The following EVL variants were observed in gnomAD, a reference collection of about 807,000 sequenced individuals.
EVL encodes the protein ena/VASP-like protein.
Under a neutral mutation model 59.6 loss-of-function variants are expected in EVL, and 21 were observed. The ratio of observed to expected loss-of-function variants is 0.35; its 90% CI spans 0.25 to 0.51. The LOEUF (loss-of-function observed/expected upper bound fraction) is 0.51. Among genes scored for constraint, EVL ranks in the 20% least tolerant of loss-of-function variants. EVL has a pLI of 0.97. For synonymous variants in EVL, 198 were observed against 203.5 expected, an observed-to-expected ratio of 0.97 and a Z score of 0.23; for missense variants, 462 against 546.6, an observed-to-expected ratio of 0.85 and a Z score of 1.54.
intron 1 of EVL, among the ~76,000 whole-genome samples, chr14:100,022,281 T>C (rs1345377766): frequency 2.0e-5 from 3 of 149,678 alleles, no homozygotes; most frequent in Non-Finnish European, 4.5e-5. Flanking sequence ...TTGGTTTGTT[T>C]TTTTTTTTTT....
intron 1 of EVL, among the ~76,000 whole-genome samples, chr14:100,083,400 CTG>C (rs1189919875): frequency 2.6e-5 from 4 of 151,826 alleles, no homozygotes; most frequent in Admixed American, 6.6e-5. Flanking sequence ...CAGTCTTACA[CTG>C]TCACCCAGGC....
intron 1 of EVL, among the ~76,000 whole-genome samples, chr14:100,083,006 ACAGGGACTCTAGAAAG>A (rs2062346210): frequency 6.6e-6 from 1 of 152,186 alleles, no homozygotes; most frequent in Non-Finnish European, 1.5e-5. Flanking sequence ...TGGCTGCCAC[ACAGGGACTCTAGAAAG>A]CATTGCCCCT....
At position 100,127,596 on chromosome 14, in the gene EVL, C is replaced by T. The variant is rs1297902772; in HGVS notation, c.487+825C>T. Among the ~76,000 whole-genome samples, 2 of 152,166 alleles carry T rather than the reference C, an allele frequency of 1.3e-5. No homozygotes were observed. The highest frequency in any genetic ancestry group is 1.9e-4 in the East Asian group (1 of 5,192). ...TCACTCTTGGAACAGCCTGTGCCTG[C>T]CCTCTCTCCCTCTAGTGCCTCGCAA... is the stretch of plus-strand genomic sequence containing the variant. On this transcript the variant is annotated intron_variant, in intron 5 of 13. Coordinates refer to ENST00000392920, the MANE Select transcript of EVL (RefSeq NM_016337.3). This position sits in a 1 kb window ranked among gnomAD's most constrained non-coding sequence, Gnocchi z 4.2.
intron 3 of EVL, among the ~76,000 whole-genome samples, chr14:100,103,864 C>T (rs1886389641): frequency 6.6e-6 from 1 of 152,172 alleles, no homozygotes; most frequent in Non-Finnish European, 1.5e-5. Context: ...CTCCTGAGGG[C>T]AAGGAGGTAT....
In EVL at chr14:100,114,074, T is replaced by G. The variant is rs1887172900; in HGVS notation, c.359-9465T>G. Among the ~76,000 whole-genome samples, 1 of 151,906 alleles carries G rather than the reference T, an allele frequency of 6.6e-6. No individual in the cohort carries two copies. Among genetic ancestry groups the G allele is most frequent in the Non-Finnish European group, 1.5e-5 (1 of 67,986 alleles). ...GCCCTTCAAGTGAGAGCATGAGGCT[T>G]GGATCTAGACAGGCCAGAGAGGATG... On this transcript the variant is annotated intron_variant, in intron 3 of 13. Transcript: ENST00000392920. The surrounding 1 kb of genome is among the most constrained non-coding windows in gnomAD (Gnocchi z 5.0).
chr14:100,133,351 C>G (rs947433678), intron 8 of EVL, among the ~76,000 whole-genome samples: 1 of 152,192 alleles, frequency 6.6e-6, no homozygotes, highest in African/African-American at 2.4e-5. Context: ...CCATGTTAAG[C>G]TTTTCCTATA....
intron 1 of EVL, among the ~76,000 whole-genome samples, chr14:99,987,324 A>G (rs938785299): frequency 1.3e-5 from 2 of 152,206 alleles, no homozygotes; most frequent in African/African-American, 4.8e-5. Flanking sequence ...TTGAACTCTC[A>G]TATATGGGAT....
At chr14:100,001,102 A>G (rs1300994872) in intron 1 of EVL, among the ~76,000 whole-genome samples, 1 of 152,222 alleles carries the variant, frequency 6.6e-6, no homozygotes, top group Non-Finnish European at 1.5e-5. Flanking sequence ...AAATTGATAG[A>G]GGCCACGTTA....
At chr14:100,078,208 T>C (rs1037244785) in intron 1 of EVL, among the ~76,000 whole-genome samples, 1 of 152,202 alleles carries the variant, frequency 6.6e-6, no homozygotes, top group Non-Finnish European at 1.5e-5. Context: ...AGAAGCAGCA[T>C]GCACGCACAC....
Position 100,084,629 on chromosome 14 carries a change from A to G in EVL, c.12-58A>G. 2.5e-6 allele frequency: 4 copies of G among 1,572,022 alleles called. 1 individual carries two copies. The South Asian group carries it at 3.5e-5, about 14-fold the overall frequency. On this transcript the variant is annotated intron_variant, in intron 1 of 13. Coordinates refer to ENST00000392920, the MANE Select transcript of EVL (RefSeq NM_016337.3). ...ATTGGCCTCTATTTCAGAAAAGGGCAAAGTCAACTTCCATCCACTGTAGCT... is the reference window on the plus strand; with the variant it reads ...ATTGGCCTCTATTTCAGAAAAGGGCGAAGTCAACTTCCATCCACTGTAGCT...
chr14:100,044,918 C>T (rs1036959227), intron 1 of EVL, among the ~76,000 whole-genome samples: 3 of 152,152 alleles, frequency 2.0e-5, no homozygotes, highest in African/African-American at 7.2e-5. Flanking sequence ...GCCGTGATTG[C>T]ACCACTGTAC....
In EVL at chr14:100,108,927, A is replaced by C. The variant is rs915961057; in HGVS notation, c.358+11269A>C. Among the ~76,000 whole-genome samples the C allele has an allele frequency of 6.6e-6, 1 of 152,104 alleles. No homozygotes were observed. On this transcript the variant is annotated intron_variant, in intron 3 of 13. Coordinates refer to ENST00000392920, the MANE Select transcript of EVL (RefSeq NM_016337.3). The surrounding 1 kb of genome is among the most constrained non-coding windows in gnomAD (Gnocchi z 4.1). The stretch of plus-strand genomic sequence containing the variant: ...TTGTCTCTGGACCCCAAAAACCCAC[A>C]CATCGTCTGCCTTATAAGCTCTCAG...
chr14:99,988,309 T>A (rs994956617), intron 1 of EVL, among the ~76,000 whole-genome samples: 1 of 152,152 alleles, frequency 6.6e-6, no homozygotes, highest in Non-Finnish European at 1.5e-5. Context: ...AAAAGGTGCT[T>A]AGCATCATTA....
At position 100,055,817 on chromosome 14, in the gene EVL, C is replaced by CTTTTTCTTTT. The variant is rs79548235; in HGVS notation, c.6-28869_6-28868insTTTTCTTTTT. Among the ~76,000 whole-genome samples, 857 of 152,172 alleles carry CTTTTTCTTTT rather than the reference C, an allele frequency of 5.6e-3. 15 individuals are homozygous for CTTTTTCTTTT. Among genetic ancestry groups the CTTTTTCTTTT allele is most frequent in the African/African-American group, 0.019 (803 of 41,458 alleles). On this transcript the variant is annotated intron_variant, in intron 1 of 13. Transcript: ENST00000402714. ...TCTTTTTTCTTTTTTCTTTTTCTTT[C>CTTTTTCTTTT]TCTTTTTCTTTTGGAGACGGAGTCT...
At chr14:100,104,983 C>T (rs1163907359) in intron 3 of EVL, among the ~76,000 whole-genome samples, 1 of 145,694 alleles carries the variant, frequency 6.9e-6, no homozygotes, top group African/African-American at 2.6e-5. Flanking sequence ...GAGCTGGCCT[C>T]ACAGAGGGCT....
intron 1 of EVL, among the ~76,000 whole-genome samples, chr14:100,005,453 A>G (rs1595557160): frequency 1.3e-5 from 2 of 152,162 alleles, no homozygotes; most frequent in Non-Finnish European, 2.9e-5. Context: ...GACACCTAAT[A>G]TTACTTGGCA....
intron 1 of EVL, among the ~76,000 whole-genome samples, chr14:99,993,374 G>A (rs550473734): frequency 2.6e-5 from 4 of 151,848 alleles, no homozygotes; most frequent in Non-Finnish European, 5.9e-5. Context: ...TCCTTTTAAT[G>A]TGTTGTTGAA....
Position 100,137,725 on chromosome 14 carries a change from AT to A in EVL, c.1032-13del. 6.2e-7 allele frequency: 1 copy of A among 1,614,064 alleles called. No individual in the cohort carries two copies. The highest frequency in any genetic ancestry group is 8.5e-7 in the Non-Finnish European group (1 of 1,180,010). On this transcript the variant is annotated splice_polypyrimidine_tract_variant and intron_variant, in intron 10 of 13. Transcript: ENST00000392920. ...TGGCGCCGATTCACATGTCTGTTTCATTCCATTGCCGTAGAACCCCGTCTGT... is the reference window on the plus strand; with the variant it reads ...TGGCGCCGATTCACATGTCTGTTTCATCCATTGCCGTAGAACCCCGTCTGT...
At chr14:99,981,890 C>T (rs1306313453) in intron 1 of EVL, among the ~76,000 whole-genome samples, 3 of 152,258 alleles carry the variant, frequency 2.0e-5, no homozygotes, top group East Asian at 3.9e-4. Context: ...TAAAGTGAAG[C>T]CCAATGAAAC....
Sources: gnomAD v4.1 joint callset for allele counts (sites outside exome capture counted in the v4.1 genomes callset) on GRCh38, gnomAD v4.1.1 for gene constraint, Gnocchi (gnomAD v3.1) non-coding constraint, MANE v1.5 for transcripts, NCBI Gene and HGNC (gene_info 2026-07-23, HGNC 2026-07-21) for gene names.